CDH8: variants seen among roughly 807,000 people sequenced by gnomAD.
CDH8 encodes the protein cadherin-8.
In CDH8, 17 loss-of-function variants were observed where a neutral mutation model predicts 68.1. The observed-to-expected ratio is 0.25, with a 90% CI of 0.17 to 0.37. CDH8 has a LOEUF of 0.37. Ranked by LOEUF, CDH8 falls within the 10% of genes least tolerant of loss-of-function variation. The probability of loss-of-function intolerance (pLI) is 1.00; values close to 1 mark genes in which losing one functional copy is unlikely to be tolerated. For missense variants in CDH8, 763 were observed against 999.3 expected, an observed-to-expected ratio of 0.76 and a Z score of 3.19; for synonymous variants, 372 against 365.1, an observed-to-expected ratio of 1.02 and a Z score of -0.21.
intron 9 of CDH8, chr16:61,725,716 G>C (rs76170595): frequency 6.6e-5 from 10 of 150,896 alleles, no homozygotes; most frequent in Middle Eastern, 3.4e-3. Flanking sequence ...TGCTCAAAAC[G>C]TGTGATTGAT....
At chr16:61,662,357 G>A (rs1175772212) in intron 10 of CDH8, among the ~76,000 whole-genome samples, 1 of 151,394 alleles carries the variant, frequency 6.6e-6, no homozygotes, top group East Asian at 1.9e-4. Flanking sequence ...ATCTTTTTGA[G>A]CAGAGTAAAC....
intron 1 of CDH8, among the ~76,000 whole-genome samples, chr16:62,023,688 C>G (rs1257423603): frequency 2.0e-5 from 3 of 152,042 alleles, no homozygotes; most frequent in Admixed American, 2.0e-4. Context: ...CACAAAGTTA[C>G]GCAAAGATCT....
intron 2 of CDH8, among the ~76,000 whole-genome samples, chr16:61,959,248 A>G (rs1279229386): frequency 2.0e-5 from 3 of 152,142 alleles, no homozygotes; most frequent in Non-Finnish European, 2.9e-5. Context: ...AGAATTAACT[A>G]TAGACCTTGT....
At chr16:61,815,224 G>A (rs1962044732) in intron 7 of CDH8, among the ~76,000 whole-genome samples, 1 of 152,070 alleles carries the variant, frequency 6.6e-6, no homozygotes, top group South Asian at 2.1e-4. Flanking sequence ...TTCTAAGCTG[G>A]ACAGTTATTT....
In CDH8 at chr16:61,876,849, C is replaced by G. The variant is rs186128452; in HGVS notation, c.548-19611G>C. On this transcript the variant is annotated intron_variant, in intron 3 of 11. Transcript: ENST00000577390. ...TTTAATGGAAAGCACATTTGGTATA[C>G]GGATCAGCATATGTGGGTCTTATAG... is the stretch of plus-strand genomic sequence containing the variant. Among the ~76,000 whole-genome samples the G allele has an allele frequency of 1.4e-4, 21 of 152,004 alleles. 1 individual carries two copies. The South Asian group carries it at 4.4e-3, about 32-fold the overall frequency.
chr16:61,732,179 G>C (rs1426450446), intron 8 of CDH8, among the ~76,000 whole-genome samples: 1 of 151,396 alleles, frequency 6.6e-6, no homozygotes, highest in East Asian at 1.9e-4. Flanking sequence ...AGGAGACAGA[G>C]AATGGAGAAA....
chr16:61,953,622 C>A (rs1964930168), intron 2 of CDH8, among the ~76,000 whole-genome samples: 1 of 150,992 alleles, frequency 6.6e-6, no homozygotes, highest in South Asian at 2.1e-4. Flanking sequence ...AATCCCAGCA[C>A]TTTGGAAGGC....
intron 10 of CDH8, among the ~76,000 whole-genome samples, chr16:61,674,944 C>CAAAAAAAAAAAAAAAAAAAAAAAAA (rs576278729): frequency 1.0e-5 from 1 of 95,510 alleles, no homozygotes; most frequent in Non-Finnish European, 2.2e-5. Context: ...GAACAGAAAG[C>CAAAAAAAAAAAAAAAAAAAAAAAAA]AAAAAAAAAA....
chr16:61,833,103 C>G (rs997833554), intron 4 of CDH8, among the ~76,000 whole-genome samples: 17 of 151,542 alleles, frequency 1.1e-4, no homozygotes, highest in African/African-American at 4.1e-4. Flanking sequence ...ATATACAAAA[C>G]GTTATTAATT....
intron 3 of CDH8, among the ~76,000 whole-genome samples, chr16:61,865,699 A>G (rs528974809): frequency 6.6e-6 from 1 of 152,230 alleles, no homozygotes; most frequent in Non-Finnish European, 1.5e-5. Context: ...GGGCGGTTCT[A>G]TTTCTAATAC....
chr16:61,960,359 ATACACATACATATATACATGTGTGTGTG>A (rs1965127135), intron 2 of CDH8, among the ~76,000 whole-genome samples: 1 of 95,006 alleles, frequency 1.1e-5, no homozygotes, highest in African/African-American at 6.0e-5. Context: ...GTGTGTGTGT[ATACACATACATATATACATGTGTGTGTG>A]TATACACATA....
At chr16:61,852,487 G>A (rs1567500287) in intron 4 of CDH8, among the ~76,000 whole-genome samples, 2 of 151,998 alleles carry the variant, frequency 1.3e-5, no homozygotes, top group Non-Finnish European at 2.9e-5. Context: ...AAGCAAATCT[G>A]AGCAAGAGTT....
At chr16:61,899,696 A>G (rs1375455940) in intron 3 of CDH8, among the ~76,000 whole-genome samples, 2 of 152,220 alleles carry the variant, frequency 1.3e-5, no homozygotes, top group African/African-American at 4.8e-5. Context: ...CAAGTCAAGG[A>G]GAACAACTAG....
chr16:61,684,913 C>T (rs777056713), intron 10 of CDH8, among the ~76,000 whole-genome samples: 1 of 151,956 alleles, frequency 6.6e-6, no homozygotes, highest in Non-Finnish European at 1.5e-5. Flanking sequence ...ACTCCAGACT[C>T]TTGGCTCCAG....
At chr16:61,837,364 C>T (rs1351352211) in intron 4 of CDH8, among the ~76,000 whole-genome samples, 14 of 152,124 alleles carry the variant, frequency 9.2e-5, no homozygotes, top group South Asian at 4.1e-4. Flanking sequence ...CTTTTCAGCT[C>T]CCATTCATAC....
intron 9 of CDH8, among the ~76,000 whole-genome samples, chr16:61,717,973 A>G (rs1964762174): frequency 6.6e-6 from 1 of 151,388 alleles, no homozygotes; most frequent in African/African-American, 2.4e-5. Context: ...TTACATATGT[A>G]TATATACACA....
chr16:62,004,919 C>T (rs143878619), intron 2 of CDH8, among the ~76,000 whole-genome samples: 1 of 152,268 alleles, frequency 6.6e-6, no homozygotes, highest in East Asian at 1.9e-4. Context: ...AAAGAGAAAG[C>T]CAGAACCTTG....
In CDH8 at chr16:61,676,871, A is replaced by T. The variant is rs1963922664; in HGVS notation, c.1655-21150T>A. ...GCTTGCTACCATATGTGTGCAAAGG[A>T]TTGACTGCAAAGAGAGATAAGAAAA... On this transcript the variant is annotated intron_variant, in intron 10 of 11. Coordinates refer to ENST00000577390, the MANE Select transcript of CDH8 (RefSeq NM_001796.5). Among the ~76,000 whole-genome samples the T allele has an allele frequency of 2.0e-5, 3 of 152,184 alleles. No homozygotes were observed. In the South Asian group the frequency reaches 6.2e-4, roughly 32 times the overall value.
intron 10 of CDH8, among the ~76,000 whole-genome samples, chr16:61,674,982 A>G (rs1434581485): frequency 6.6e-6 from 1 of 151,912 alleles, no homozygotes; most frequent in Non-Finnish European, 1.5e-5. Context: ...GACAATACCA[A>G]GTGGTCTGAT....
Sources: gnomAD v4.1 joint callset for allele counts (sites outside exome capture counted in the v4.1 genomes callset) on GRCh38, gnomAD v4.1.1 for gene constraint, MANE v1.5 for transcripts, NCBI Gene and HGNC (gene_info 2026-07-23, HGNC 2026-07-21) for gene names.